The following DSP variants were observed in gnomAD, a reference collection of about 807,000 sequenced individuals.
DSP encodes 250/210 kDa paraneoplastic pemphigus antigen.
DSP carries 114 observed loss-of-function variants against 290.6 expected under a neutral mutation model. The observed-to-expected ratio is 0.39, with a 90% CI of 0.34 to 0.46. The LOEUF is 0.46. Among genes scored for constraint, DSP ranks in the 20% least tolerant of loss-of-function variants. DSP has a pLI of 0.99. For synonymous variants in DSP, 1,311 were observed against 1,316.4 expected (o/e 1.00, Z 0.09); for missense variants, 3,230 against 3,495.8 (o/e 0.92, Z 1.92).
Position 7,575,299 on chromosome 6 carries a change from T to C in DSP, c.2441T>C (p.Ile814Thr), listed in dbSNP as rs1393048121. ...TTTTTTTTTTTCATCTTGCAGAAAA[T>C]AAAAAATGACTTGAACTTGAAGAAG... Reference protein sequence around the residue: ...VEAYRCGLKKIKNDLNLKKSL... With the variant: ...VEAYRCGLKKTKNDLNLKKSL... Residue 814 changes from isoleucine to threonine, a missense_variant, in exon 18 of 24, where the codon ATA becomes ACA. Physicochemically the swap from Ile to Thr is moderately conservative, Grantham distance 89 (BLOSUM62 -1). Coordinates refer to ENST00000379802, the MANE Select transcript of DSP (RefSeq NM_004415.4). The C allele has an allele frequency of 6.2e-7, 1 of 1,611,780 alleles. No homozygotes were observed. The highest frequency in any genetic ancestry group is 2.2e-5 in the East Asian group (1 of 44,812).
chr6:7,543,261 G>A (rs917560950), intron 1 of DSP, among the ~76,000 whole-genome samples: 1 of 152,186 alleles, frequency 6.6e-6, no homozygotes, highest in Admixed American at 6.5e-5. Flanking sequence ...GGCCTGGGAG[G>A]AGCAACCTGA....
In DSP at chr6:7,585,224, G is replaced by A. The variant is rs767539050; in HGVS notation, c.7962G>A (p.Gln2654=). 13 of 1,614,044 alleles carry A rather than the reference G, an allele frequency of 8.1e-6. No individual in the cohort carries two copies. Among genetic ancestry groups the A allele is most frequent in the Admixed American group, 1.7e-5 (1 of 60,008 alleles). The change falls in exon 24 of 24, where the codon CAG becomes CAA. Residue 2654 remains glutamine, a synonymous_variant. Transcript: ENST00000379802. The stretch of plus-strand genomic sequence containing the variant: ...CGGGTCAGAGGCTTCTGGAGGCTCA[G>A]GCCTGCACAGGTGGCATCATCCACC... ...SITGQRLLEA[Q]ACTGGIIHPT...
intron 20 of DSP, 75 bp from the exon 21 acceptor site, chr6:7,577,704 C>T (rs917485435): frequency 8.3e-7 from 1 of 1,199,792 alleles, no homozygotes; most frequent in Non-Finnish European, 1.2e-6. Context: ...TGATTTAAAA[C>T]TGTGGAACTG....
rs2113686568 is a variant in DSP at position 7,576,350 on chromosome 6, A to G, written c.2687A>G (p.Gln896Arg). 1 of 1,614,174 alleles carries G rather than the reference A, an allele frequency of 6.2e-7. No individual in the cohort carries two copies. The highest frequency in any genetic ancestry group is 8.5e-7 in the Non-Finnish European group (1 of 1,180,012). ...TTGAGGAATTATCGTGATAACTATC[A>G]GGCTTTCTGCAAGTGGCTCTATGAT... ...KQLRNYRDNY[Q>R]AFCKWLYDAK... Residue 896 changes from glutamine (Q) to arginine (R), a missense_variant, in exon 19 of 24, where the codon CAG becomes CGG. Physicochemically the swap from Gln to Arg is conservative, Grantham distance 43. Transcript: ENST00000379802.
rs1396820769 is a variant in DSP at position 7,541,716 on chromosome 6, C to T, written c.-200C>T. 9 of 631,708 alleles carry T rather than the reference C, an allele frequency of 1.4e-5. No individual in the cohort carries two copies. The highest frequency in any genetic ancestry group is 2.4e-5 in the Non-Finnish European group (9 of 382,042). 39.1% of individuals were successfully genotyped at this position (631,708 alleles called of 1,614,324 possible). A position where few individuals can be genotyped will look rare whatever the true frequency, so the allele number is the denominator to read the frequency against. ...TCCGAGCCACAGCTTTCCTCCCGCT[C>T]CTGCCCCCGGCCCGTCGCCGTCTCC... On this transcript the variant is annotated 5_prime_UTR_variant, in exon 1 of 24. Transcript: ENST00000379802.
chr6:7,574,089 G>T lies in DSP; in HGVS notation c.2134G>T (p.Val712Leu), dbSNP rs397516922. Reference protein sequence around the residue: ...ITVKINELKSVQNDSQAIAEV... With the variant: ...ITVKINELKSLQNDSQAIAEV... ...AGCTTTCCTTCATTTTTGACAGAGT[G>T]TGCAGAATGATTCACAAGCAATTGC... Residue 712 changes from valine (V) to leucine (L), a missense_variant, in exon 16 of 24, where the codon GTG becomes TTG. By Grantham distance (32) the Val-to-Leu change is conservative. Transcript: ENST00000379802. The T allele has an allele frequency of 1.2e-6, 2 of 1,614,090 alleles. No homozygotes were observed. Among genetic ancestry groups the T allele is most frequent in the South Asian group, 1.1e-5 (1 of 91,074 alleles).
chr6:7,553,868 C>A (rs1758410672), intron 1 of DSP, among the ~76,000 whole-genome samples: 1 of 152,076 alleles, frequency 6.6e-6, no homozygotes, highest in Non-Finnish European at 1.5e-5. Context: ...GGGCTCCTCA[C>A]CCACATTCAT....
intron 15 of DSP, among the ~76,000 whole-genome samples, chr6:7,572,612 C>T (rs990567189): frequency 6.6e-6 from 1 of 152,220 alleles, no homozygotes; most frequent in African/African-American, 2.4e-5. Flanking sequence ...CAACTCCTCT[C>T]TCTTCCTTGA....
intron 3 of DSP, among the ~76,000 whole-genome samples, chr6:7,558,588 C>T (rs184011408): frequency 6.8e-6 from 1 of 147,716 alleles, no homozygotes; most frequent in African/African-American, 2.5e-5. Context: ...AAATGTGGCT[C>T]GCCGCAGCCT....
intron 1 of DSP, among the ~76,000 whole-genome samples, chr6:7,548,189 C>T (rs1758223359): frequency 6.6e-6 from 1 of 151,964 alleles, no homozygotes; most frequent in Non-Finnish European, 1.5e-5. Context: ...ATCGCTTGAA[C>T]CCGGGAGGCA....
chr6:7,542,074 G>A lies in DSP; in HGVS notation c.159G>A (p.Ser53=), dbSNP rs1275954013. The A allele has an allele frequency of 6.4e-7, 1 of 1,563,372 alleles. No homozygotes were observed. The highest frequency in any genetic ancestry group is 1.4e-5 in the African/African-American group (1 of 73,702). The change falls in exon 1 of 24, where the codon TCG becomes TCA. Residue 53 remains serine (S), a synonymous_variant. Coordinates refer to ENST00000379802, the MANE Select transcript of DSP (RefSeq NM_004415.4). ...GCGGCGTGATCACCGACCAGAACTC[G>A]GACGGCTACTGGTGGGTACCTGCCC... ...SRRGVITDQN[S]DGYCQTGTMS... is the part of the protein sequence containing the mutation.
Position 7,557,968 on chromosome 6 carries a change from T to G in DSP, c.274-148T>G, listed in dbSNP as rs938937639. ...TTTGGTTCATGAATCTCCGTCTGTT[T>G]ACCTTCTTATCTCAATAAGATCATT... On this transcript the variant is annotated intron_variant, in intron 2 of 23. Coordinates refer to ENST00000379802, the MANE Select transcript of DSP (RefSeq NM_004415.4). 32 of 1,001,710 alleles carry G rather than the reference T, an allele frequency of 3.2e-5. No individual in the cohort carries two copies. The African/African-American group carries it at 4.5e-4, about 14-fold the overall frequency. The allele number at this position is 1,001,710 out of a possible 1,614,324, so 62.1% of individuals were successfully genotyped here. A position where few individuals can be genotyped will look rare whatever the true frequency, so the allele number is the denominator to read the frequency against.
At chr6:7,574,053 T>A (rs1431573525) in intron 15 of DSP, 33 bp from the exon 16 acceptor site, 1 of 1,612,870 alleles carries the variant, frequency 6.2e-7, no homozygotes, top group Admixed American at 1.7e-5. Flanking sequence ...AAGAATCAGC[T>A]AAATCAAAAG....
In DSP at chr6:7,541,986, C is replaced by G. The variant is rs978383808; in HGVS notation, c.71C>G (p.Pro24Arg). Residue 24 changes from proline (P) to arginine (R), a missense_variant, in exon 1 of 24, where the codon CCG becomes CGG. Pro to Arg is a moderately radical substitution (Grantham distance 103). Transcript: ENST00000379802. Reference protein sequence around the residue: ...LGRMIRAESGPDLRYEVTSGG... With the variant: ...LGRMIRAESGRDLRYEVTSGG... ...CGCATGATCCGCGCCGAGTCTGGCC[C>G]GGACCTGCGCTACGAGGTGACCAGC... 6.2e-7 allele frequency: 1 copy of G among 1,602,486 alleles called. No individual in the cohort carries two copies. Among genetic ancestry groups the G allele is most frequent in the East Asian group, 2.3e-5 (1 of 44,308 alleles).
intron 8 of DSP, 150 bp downstream of exon 8, chr6:7,566,631 ACT>A (rs1758873509): frequency 1.5e-6 from 1 of 683,208 alleles, no homozygotes; most frequent in East Asian, 2.7e-5. Flanking sequence ...GGGTTGGCAA[ACT>A]CTTTTCAGGA....
chr6:7,559,958 A>T (rs1316418966), intron 4 of DSP, among the ~76,000 whole-genome samples: 1 of 152,228 alleles, frequency 6.6e-6, no homozygotes, highest in Non-Finnish European at 1.5e-5. Flanking sequence ...CCAGTGTGGG[A>T]GTGAAGCAAA....
chr6:7,567,494 A>G (rs1293799834), intron 9 of DSP, 45 bp downstream of exon 9: 1 of 1,466,118 alleles, frequency 6.8e-7, no homozygotes, highest in Non-Finnish European at 9.5e-7. Flanking sequence ...AGGTCTTAAT[A>G]CCTAATCTTT....
At chr6:7,568,162 A>G (rs1382633493) in intron 10 of DSP, among the ~76,000 whole-genome samples, 1 of 152,202 alleles carries the variant, frequency 6.6e-6, no homozygotes, top group Non-Finnish European at 1.5e-5. Context: ...TCACATGACA[A>G]TTCCTTTGGG....
rs769629611 is a variant in DSP, at chr6:7,569,323, C to T, written c.1557C>T (p.Ala519=). Residue 519 remains alanine, a synonymous_variant, in exon 12 of 24, where the codon GCC becomes GCT. Coordinates refer to ENST00000379802, the MANE Select transcript of DSP (RefSeq NM_004415.4). ...TCATCCCTCCTCCGAACCCACTGGC[C>T]GTGGACCTCTCTTGCAAGTAAGTCA... ...GLIIPPPNPL[A]VDLSCKIEQY... is the part of the protein sequence containing the mutation. 24 of 1,614,120 alleles carry T rather than the reference C, an allele frequency of 1.5e-5. No individual in the cohort carries two copies. The highest frequency in any genetic ancestry group is 3.3e-5 in the Admixed American group (2 of 60,012).
Sources: gnomAD v4.1 joint callset for allele counts (sites outside exome capture counted in the v4.1 genomes callset) on GRCh38, gnomAD v4.1.1 for gene constraint, MANE v1.5 for transcripts, NCBI Gene and HGNC (gene_info 2026-07-23, HGNC 2026-07-21) for gene names.